The following INPP4B variants were observed in gnomAD, a reference collection of about 807,000 sequenced individuals.
INPP4B encodes inositol polyphosphate 4-phosphatase type II.
A neutral mutation model predicts 122.5 loss-of-function variants in INPP4B; 55 were observed. That is an observed-to-expected ratio of 0.45 (90% CI 0.36 to 0.56). The LOEUF is 0.56. Ranked by LOEUF, INPP4B falls within the 20% of genes least tolerant of loss-of-function variation. The pLI is 0.00. For synonymous variants in INPP4B, 403 were observed against 388.7 expected (o/e 1.04, Z -0.43); for missense variants, 1,000 against 1,097.7 (o/e 0.91, Z 1.26).
At chr4:142,467,769 T>C (rs1023743036) in intron 2 of INPP4B, among the ~76,000 whole-genome samples, 1 of 152,160 alleles carries the variant, frequency 6.6e-6, no homozygotes, top group Non-Finnish European at 1.5e-5. Flanking sequence ...AAATCTCATT[T>C]TGAAATGTGA....
At chr4:142,547,372 A>G (rs993480423) in intron 2 of INPP4B, among the ~76,000 whole-genome samples, 2 of 152,088 alleles carry the variant, frequency 1.3e-5, no homozygotes. Context: ...GATCTCACAG[A>G]TTTAATGAAG....
At chr4:142,239,436 A>G (rs1320798054) in intron 11 of INPP4B, among the ~76,000 whole-genome samples, 1 of 152,186 alleles carries the variant, frequency 6.6e-6, no homozygotes, top group Non-Finnish European at 1.5e-5. Context: ...CCCAAAGATT[A>G]TCTTTTGAAT....
intron 2 of INPP4B, among the ~76,000 whole-genome samples, chr4:142,635,299 G>A (rs1025520225): frequency 1.3e-5 from 2 of 152,180 alleles, no homozygotes; most frequent in Non-Finnish European, 2.9e-5. Context: ...AGGCAGTATA[G>A]CAATTCCTCA....
chr4:142,208,396 G>A lies in INPP4B; in HGVS notation c.1072+29C>T, dbSNP rs752069477. On this transcript the variant is annotated intron_variant, in intron 14 of 25. Coordinates refer to ENST00000262992, the MANE Select transcript of INPP4B (RefSeq NM_001101669.3). The stretch of plus-strand genomic sequence containing the variant: ...AGAAGTACACACTGTAACATAATTT[G>A]CTATTTTTAAAAGAATAATTTATGA... 1.4e-5 allele frequency: 16 copies of A among 1,182,780 alleles called. No individual in the cohort carries two copies. The South Asian group carries it at 2.1e-4, about 15-fold the overall frequency. 73.3% of individuals were successfully genotyped at this position (1,182,780 alleles called of 1,614,324 possible). A position where few individuals can be genotyped will look rare whatever the true frequency, so the allele number is the denominator to read the frequency against.
Position 142,631,671 on chromosome 4 carries a change from G to T in INPP4B, c.-191+94168C>A, listed in dbSNP as rs1580560971. On this transcript the variant is annotated intron_variant, in intron 2 of 25. Transcript: ENST00000262992. Reference sequence around the variant, plus strand: ...AAGCCTACAGAAAATTAAAGATGAAGAAAATATCTTAAGAGGTAGAAAAGA... The same window carrying T: ...AAGCCTACAGAAAATTAAAGATGAATAAAATATCTTAAGAGGTAGAAAAGA... Among the ~76,000 whole-genome samples, 3 of 152,074 alleles carry T rather than the reference G, an allele frequency of 2.0e-5. No homozygotes were observed. In the East Asian group the frequency reaches 5.8e-4, roughly 29 times the overall value.
chr4:142,244,424 C>T lies in INPP4B; in HGVS notation c.689-6413G>A, dbSNP rs544118012. On this transcript the variant is annotated intron_variant, in intron 11 of 25. Transcript: ENST00000262992. Reference sequence around the variant, plus strand: ...ACGTCATTCTCCTGCCTCAGCCTCCCGAGTAGCTGGGACTACAGGCGCCCA... The same window carrying T: ...ACGTCATTCTCCTGCCTCAGCCTCCTGAGTAGCTGGGACTACAGGCGCCCA... 2.0e-5 allele frequency among the ~76,000 whole-genome samples: 3 copies of T among 151,190 alleles called. No homozygotes were observed. In the East Asian group the frequency reaches 5.9e-4, roughly 30 times the overall value.
intron 1 of INPP4B, among the ~76,000 whole-genome samples, chr4:142,744,406 G>A (rs1309243977): frequency 6.6e-6 from 1 of 151,774 alleles, no homozygotes; most frequent in African/African-American, 2.4e-5. Flanking sequence ...CTGAAAATAT[G>A]CCAAATTTGA....
intron 2 of INPP4B, among the ~76,000 whole-genome samples, chr4:142,499,548 T>C (rs1823087184): frequency 6.6e-6 from 1 of 152,198 alleles, no homozygotes; most frequent in African/African-American, 2.4e-5. Context: ...TATGAGATAA[T>C]TTTGCATTTT....
intron 18 of INPP4B, among the ~76,000 whole-genome samples, chr4:142,127,664 C>T (rs981908386): frequency 1.3e-5 from 2 of 152,054 alleles, no homozygotes; most frequent in African/African-American, 4.8e-5. Flanking sequence ...ATGACAATAT[C>T]GGAAAGCATT....
intron 9 of INPP4B, among the ~76,000 whole-genome samples, chr4:142,302,813 G>C (rs1454235842): frequency 6.6e-6 from 1 of 152,060 alleles, no homozygotes; most frequent in Non-Finnish European, 1.5e-5. Context: ...AAAGAAGTAA[G>C]GGGAGACAGG....
At chr4:142,507,142 A>G (rs754781993) in intron 2 of INPP4B, among the ~76,000 whole-genome samples, 3 of 152,166 alleles carry the variant, frequency 2.0e-5, no homozygotes, top group Non-Finnish European at 4.4e-5. Context: ...ATAGCCCTTA[A>G]AGCCCATTGA....
chr4:142,328,206 C>A (rs1773174121), intron 7 of INPP4B, among the ~76,000 whole-genome samples: 1 of 152,082 alleles, frequency 6.6e-6, no homozygotes, highest in African/African-American at 2.4e-5. Context: ...AGGAAATGTA[C>A]AGCGTTTCAA....
At chr4:142,679,679 C>G (rs1196717740) in intron 2 of INPP4B, among the ~76,000 whole-genome samples, 1 of 151,744 alleles carries the variant, frequency 6.6e-6, no homozygotes, top group Non-Finnish European at 1.5e-5. Flanking sequence ...CAAACCCATA[C>G]ATAGGATTAA....
chr4:142,700,842 C>A (rs1761662493), intron 2 of INPP4B, among the ~76,000 whole-genome samples: 1 of 151,770 alleles, frequency 6.6e-6, no homozygotes, highest in Non-Finnish European at 1.5e-5. Context: ...ACTATCTGGG[C>A]CAAGGATTAT....
intron 1 of INPP4B, among the ~76,000 whole-genome samples, chr4:142,809,677 A>T (rs558912088): frequency 1.1e-4 from 16 of 152,294 alleles, no homozygotes; most frequent in Admixed American, 5.2e-4. Context: ...ATCCTAGAAT[A>T]TGTATCAGAG....
intron 22 of INPP4B, among the ~76,000 whole-genome samples, chr4:142,110,266 G>A (rs1362419847): frequency 2.0e-5 from 3 of 152,078 alleles, no homozygotes; most frequent in Non-Finnish European, 4.4e-5. Flanking sequence ...TCAGTTGTCT[G>A]ACAGCCAGAA....
chr4:142,653,031 G>C (rs1352035923), intron 2 of INPP4B, among the ~76,000 whole-genome samples: 3 of 152,126 alleles, frequency 2.0e-5, no homozygotes, highest in Non-Finnish European at 4.4e-5. Context: ...CAGATTTATA[G>C]ACCAATGGAA....
chr4:142,718,183 G>T (rs764452593), intron 2 of INPP4B, among the ~76,000 whole-genome samples: 16 of 152,120 alleles, frequency 1.1e-4, no homozygotes, highest in Non-Finnish European at 1.8e-4. Context: ...TCAGATTGAG[G>T]TGTTTGAATT....
intron 25 of INPP4B, among the ~76,000 whole-genome samples, chr4:142,033,792 G>A (rs1350216446): frequency 6.6e-6 from 1 of 150,922 alleles, no homozygotes; most frequent in African/African-American, 2.4e-5. Context: ...AGCCTCCCAA[G>A]TAGCTGGGAC....
Sources: gnomAD v4.1 joint callset for allele counts (sites outside exome capture counted in the v4.1 genomes callset) on GRCh38, gnomAD v4.1.1 for gene constraint, MANE v1.5 for transcripts, NCBI Gene and HGNC (gene_info 2026-07-23, HGNC 2026-07-21) for gene names.